MACROD2: variants seen among roughly 807,000 people sequenced by gnomAD.
MACROD2 encodes ADP-ribose glycohydrolase MACROD2.
Under a neutral mutation model 70.4 loss-of-function variants are expected in MACROD2, and 36 were observed. The observed-to-expected ratio is 0.51, with a 90% CI of 0.39 to 0.68. The LOEUF (loss-of-function observed/expected upper bound fraction) is 0.68. MACROD2 is among the 30% of genes least tolerant of loss of function. MACROD2 has a pLI of 0.00. For missense variants in MACROD2, 496 were observed against 538.4 expected, an observed-to-expected ratio of 0.92 and a Z score of 0.78; for synonymous variants, 172 against 178.8, an observed-to-expected ratio of 0.96 and a Z score of 0.30.
intron 5 of MACROD2, among the ~76,000 whole-genome samples, chr20:14,846,784 T>G (rs1469874523): frequency 1.3e-5 from 2 of 151,114 alleles, no homozygotes; most frequent in African/African-American, 4.8e-5. Context: ...CCCAAAGTGC[T>G]GGGATTACAG....
intron 4 of MACROD2, among the ~76,000 whole-genome samples, chr20:14,501,846 A>G (rs1487664447): frequency 6.6e-6 from 1 of 152,182 alleles, no homozygotes; most frequent in Non-Finnish European, 1.5e-5. Flanking sequence ...AATGATACCT[A>G]AATGGTTGGA....
intron 7 of MACROD2, among the ~76,000 whole-genome samples, chr20:15,493,651 A>T (rs2047258934): frequency 6.6e-6 from 1 of 152,246 alleles, no homozygotes; most frequent in South Asian, 2.1e-4. Context: ...AGTTAAAGAT[A>T]ATAGGGAAAT....
At chr20:15,495,857 T>G (rs1359724654) in intron 7 of MACROD2, among the ~76,000 whole-genome samples, 2 of 152,200 alleles carry the variant, frequency 1.3e-5, no homozygotes, top group African/African-American at 4.8e-5. Flanking sequence ...AGAGAAGCCT[T>G]TCCTGAAGAA....
At chr20:14,368,411 C>T (rs866011014) in intron 3 of MACROD2, among the ~76,000 whole-genome samples, 8 of 152,052 alleles carry the variant, frequency 5.3e-5, no homozygotes, top group African/African-American at 1.4e-4. Context: ...AGTGCGGTGG[C>T]GGGTGCCTGT....
chr20:15,619,158 C>T (rs764496041), intron 8 of MACROD2, among the ~76,000 whole-genome samples: 4 of 152,178 alleles, frequency 2.6e-5, no homozygotes, highest in Non-Finnish European at 4.4e-5. Flanking sequence ...AGCCTCAGGC[C>T]GCATGACTCC....
chr20:15,390,486 C>G (rs1023592247), intron 6 of MACROD2, among the ~76,000 whole-genome samples: 2 of 152,100 alleles, frequency 1.3e-5, no homozygotes, highest in East Asian at 1.9e-4. Context: ...CACTTTGTAG[C>G]CTTCAGAATC....
chr20:15,139,518 A>G (rs552992695), intron 5 of MACROD2, among the ~76,000 whole-genome samples: 2 of 152,024 alleles, frequency 1.3e-5, no homozygotes, highest in African/African-American at 4.8e-5. Context: ...AACATATGTC[A>G]CTCTGTAATT....
At chr20:15,973,780 C>T (rs1291962117) in intron 13 of MACROD2, among the ~76,000 whole-genome samples, 8 of 152,146 alleles carry the variant, frequency 5.3e-5, no homozygotes, top group African/African-American at 1.9e-4. Flanking sequence ...ACATGAAGAA[C>T]TACTTCTATT....
chr20:15,152,280 G>A (rs2076275676), intron 5 of MACROD2, among the ~76,000 whole-genome samples: 1 of 151,860 alleles, frequency 6.6e-6, no homozygotes, highest in Admixed American at 6.6e-5. Context: ...AAGAACGCAG[G>A]CTAAGGGAGA....
At chr20:14,593,170 C>A (rs1225205539) in intron 4 of MACROD2, among the ~76,000 whole-genome samples, 1 of 151,794 alleles carries the variant, frequency 6.6e-6, no homozygotes, top group Non-Finnish European at 1.5e-5. Context: ...CTTTTAAATT[C>A]TTTTATGAGT....
At chr20:15,333,751 T>C (rs1283937624) in intron 6 of MACROD2, among the ~76,000 whole-genome samples, 1 of 151,606 alleles carries the variant, frequency 6.6e-6, no homozygotes, top group Non-Finnish European at 1.5e-5. Context: ...TATGACACGA[T>C]GTTCAATATC....
At chr20:14,466,029 G>A (rs777184903) in intron 3 of MACROD2, among the ~76,000 whole-genome samples, 12 of 152,094 alleles carry the variant, frequency 7.9e-5, no homozygotes, top group Non-Finnish European at 1.3e-4. Flanking sequence ...TGCTCTTCTC[G>A]AGGAATATCT....
intron 8 of MACROD2, among the ~76,000 whole-genome samples, chr20:15,760,844 T>A (rs1310934709): frequency 6.6e-6 from 1 of 151,966 alleles, no homozygotes; most frequent in African/African-American, 2.4e-5. Flanking sequence ...TTAGGGATTT[T>A]GAAGTTAAGA....
intron 5 of MACROD2, among the ~76,000 whole-genome samples, chr20:15,206,530 T>C (rs1163243023): frequency 6.6e-6 from 1 of 151,822 alleles, no homozygotes; most frequent in Non-Finnish European, 1.5e-5. Flanking sequence ...TCAGAAAGCA[T>C]TTTATATTAA....
chr20:16,016,550 T>G (rs1319456359), intron 15 of MACROD2, among the ~76,000 whole-genome samples: 1 of 152,224 alleles, frequency 6.6e-6, no homozygotes, highest in Non-Finnish European at 1.5e-5. Context: ...GGGGTTTTTT[T>G]GTTTGTTTTT....
At chr20:14,540,589 A>G (rs1232016309) in intron 4 of MACROD2, among the ~76,000 whole-genome samples, 1 of 152,182 alleles carries the variant, frequency 6.6e-6, no homozygotes, top group East Asian at 1.9e-4. Context: ...AAAAAGGCCA[A>G]TCCTGCCAGT....
At chr20:14,614,323 C>T (rs920255143) in intron 4 of MACROD2, among the ~76,000 whole-genome samples, 1 of 152,006 alleles carries the variant, frequency 6.6e-6, no homozygotes, top group Non-Finnish European at 1.5e-5. Context: ...ACACATAGCT[C>T]TTCATATTTC....
At chr20:15,887,822 C>G (rs1029146150) in intron 10 of MACROD2, among the ~76,000 whole-genome samples, 7 of 152,118 alleles carry the variant, frequency 4.6e-5, no homozygotes, top group Admixed American at 2.0e-4. Context: ...AATGTATAAT[C>G]AATATAAAAA....
chr20:14,562,304 T>A (rs553451593), intron 4 of MACROD2, among the ~76,000 whole-genome samples: 1 of 151,878 alleles, frequency 6.6e-6, no homozygotes, highest in Non-Finnish European at 1.5e-5. Flanking sequence ...TGTCTAAATA[T>A]GTAAGTAGAG....
Sources: gnomAD v4.1 joint callset for allele counts (sites outside exome capture counted in the v4.1 genomes callset) on GRCh38, gnomAD v4.1.1 for gene constraint, MANE v1.5 for transcripts, NCBI Gene and HGNC (gene_info 2026-07-23, HGNC 2026-07-21) for gene names.